Variants in USP24 observed in about 807,000 individuals in gnomAD.
USP24 encodes the protein ubiquitin carboxyl-terminal hydrolase 24.
USP24 carries 97 observed loss-of-function variants against 361.6 expected under a neutral mutation model. The observed-to-expected ratio is 0.27, with a 90% CI of 0.23 to 0.32. The LOEUF (loss-of-function observed/expected upper bound fraction) is 0.32, where lower values mean the gene tolerates loss of function less well. USP24 is among the 10% of genes least tolerant of loss of function. USP24 has a pLI of 1.00. For missense variants in USP24, 2,353 were observed against 3,165.6 expected (o/e 0.74, Z 6.16); for synonymous variants, 1,098 against 1,124.6 (o/e 0.98, Z 0.47).
intron 12 of USP24, 81 bp from the exon 13 acceptor site, chr1:55,154,859 C>G: frequency 9.9e-7 from 1 of 1,006,268 alleles, no homozygotes; most frequent in Non-Finnish European, 1.5e-6. Context: ...CTTACAGAAG[C>G]ACAAGCAAAA....
intron 41 of USP24, 58 bp downstream of exon 41, chr1:55,106,088 A>G: frequency 7.5e-7 from 1 of 1,325,640 alleles, no homozygotes; most frequent in Non-Finnish European, 1.1e-6. Context: ...ATCTTTTGGG[A>G]CTGAAGTTTC....
intron 52 of USP24, among the ~76,000 whole-genome samples, 188 bp from the exon 53 acceptor site, chr1:55,093,104 AG>A (rs2100476378): frequency 6.6e-6 from 1 of 152,324 alleles, no homozygotes; most frequent in African/African-American, 2.4e-5. Flanking sequence ...TTGACATATA[AG>A]ATGTTATAAG....
intron 60 of USP24, 25 bp downstream of exon 60, chr1:55,079,513 T>C (rs755557227): frequency 7.7e-6 from 12 of 1,554,352 alleles, no homozygotes; most frequent in Middle Eastern, 1.7e-4. Context: ...GGGAAAAAAA[T>C]GGCTTTAGAA....
At chr1:55,188,430 A>G (rs1203240777) in intron 1 of USP24, among the ~76,000 whole-genome samples, 2 of 152,114 alleles carry the variant, frequency 1.3e-5, no homozygotes, top group Non-Finnish European at 2.9e-5. Context: ...AATGAGAAAC[A>G]GTATTTGCAA....
Position 55,138,955 on chromosome 1 carries a change from T to C in USP24, c.2806A>G (p.Ile936Val), listed in dbSNP as rs749417711. The C allele has an allele frequency of 8.1e-6, 13 of 1,612,656 alleles. No individual in the cohort carries two copies. The highest frequency in any genetic ancestry group is 1.1e-5 in the South Asian group (1 of 90,880). The change falls in exon 25 of 68, where the codon ATC becomes GTC. Residue 936 changes from isoleucine to valine, a missense_variant. Coordinates refer to ENST00000294383, the MANE Select transcript of USP24 (RefSeq NM_015306.3). ...RLLLLAERYV[I>V]TIEDFYSVPR... is the part of the protein sequence containing the mutation. ...AGGAAGTGGCTTACCTCTATAGTGA[T>C]CACATAGCGCTCTGCCAGAAGCAGC...
intron 1 of USP24, among the ~76,000 whole-genome samples, chr1:55,202,457 T>C (rs1015931400): frequency 6.6e-6 from 1 of 152,068 alleles, no homozygotes; most frequent in Admixed American, 6.6e-5. Context: ...CAAGTTGCAG[T>C]GCAGTGGTGC....
rs768809144 is a variant in USP24 at position 55,124,637 on chromosome 1, T to C, written c.3961-9A>G. ...TCACTTACTTCCATTGTCTAAAGAATGGAACAAGTATTATGAGAAAGAGCA... is the reference window on the plus strand; with the variant it reads ...TCACTTACTTCCATTGTCTAAAGAACGGAACAAGTATTATGAGAAAGAGCA... On this transcript the variant is annotated splice_polypyrimidine_tract_variant and intron_variant, in intron 34 of 67. Transcript: ENST00000294383. 4.3e-6 allele frequency: 7 copies of C among 1,613,486 alleles called. No homozygotes were observed. Among genetic ancestry groups the C allele is most frequent in the Middle Eastern group, 1.6e-4 (1 of 6,080 alleles).
chr1:55,176,218 A>C (rs1649967880), intron 3 of USP24, among the ~76,000 whole-genome samples, 158 bp downstream of exon 3: 1 of 152,202 alleles, frequency 6.6e-6, no homozygotes, highest in South Asian at 2.1e-4. Context: ...CCCCAAATTC[A>C]GAGTTCCGTT....
chr1:55,176,720 C>A (rs1211834824), intron 2 of USP24, among the ~76,000 whole-genome samples: 1 of 152,208 alleles, frequency 6.6e-6, no homozygotes, highest in East Asian at 1.9e-4. Flanking sequence ...ATTGAACTTA[C>A]ATTTCCATGT....
At chr1:55,171,757 A>G (rs1393013213) in intron 4 of USP24, 79 bp from the exon 5 acceptor site, 1 of 1,467,968 alleles carries the variant, frequency 6.8e-7, no homozygotes, top group African/African-American at 1.4e-5. Context: ...GAAGATAAAA[A>G]TATAGCCTTT....
At chr1:55,094,696 TAAAAAAA>T in intron 51 of USP24, among the ~76,000 whole-genome samples, 1 of 108,992 alleles carries the variant, frequency 9.2e-6, no homozygotes, top group South Asian at 3.4e-4. Context: ...CTGCTAACAT[TAAAAAAA>T]AAAAAAAAAA....
At chr1:55,176,106 A>G (rs1051166272) in intron 3 of USP24, among the ~76,000 whole-genome samples, 1 of 152,234 alleles carries the variant, frequency 6.6e-6, no homozygotes, top group African/African-American at 2.4e-5. Flanking sequence ...GTCTTAATCT[A>G]TTCTTTAGCA....
chr1:55,154,174 A>G lies in USP24; in HGVS notation c.1757T>C (p.Val586Ala). 6.2e-7 allele frequency: 1 copy of G among 1,613,632 alleles called. No individual in the cohort carries two copies. Among genetic ancestry groups the G allele is most frequent in the Non-Finnish European group, 8.5e-7 (1 of 1,179,708 alleles). ...HLTILSDAYA[V>A]KEAIKRSYII... ...GTAGCTCCTCTTGATTGCTTCTTTC[A>G]CTGCATATGCATCACTAAGGATTGT... Residue 586 changes from valine (V) to alanine (A), a missense_variant, in exon 15 of 68, where the codon GTG (valine) becomes GCG (alanine). Physicochemically the swap from Val to Ala is moderately conservative, Grantham distance 64 (BLOSUM62 0). Coordinates refer to ENST00000294383, the MANE Select transcript of USP24 (RefSeq NM_015306.3).
intron 1 of USP24, among the ~76,000 whole-genome samples, chr1:55,183,849 TAGAC>T (rs914597832): frequency 1.3e-5 from 2 of 152,174 alleles, no homozygotes; most frequent in South Asian, 2.1e-4. Flanking sequence ...ATGGCTATAT[TAGAC>T]AGAACAGACG....
At chr1:55,101,467 A>C (rs536745024) in intron 43 of USP24, 117 bp downstream of exon 43, 3 of 1,390,660 alleles carry the variant, frequency 2.2e-6, no homozygotes, top group East Asian at 2.5e-5. Flanking sequence ...GCTACTAAAG[A>C]ATTGCAAGTT....
At chr1:55,174,765 A>C (rs1269880138) in intron 3 of USP24, among the ~76,000 whole-genome samples, 2 of 152,230 alleles carry the variant, frequency 1.3e-5, no homozygotes, top group Non-Finnish European at 2.9e-5. Flanking sequence ...ACAGTATGTT[A>C]CAATATAACA....
At chr1:55,085,897 G>T in intron 56 of USP24, 45 bp downstream of exon 56, 2 of 1,563,540 alleles carry the variant, frequency 1.3e-6, no homozygotes, top group South Asian at 1.1e-5. Flanking sequence ...TAAAACATTT[G>T]GTAAAAACAC....
Position 55,095,240 on chromosome 1 carries a change from G to C in USP24, c.6203+15C>G, listed in dbSNP as rs376227383. On this transcript the variant is annotated intron_variant, in intron 51 of 67. Coordinates refer to ENST00000294383, the MANE Select transcript of USP24 (RefSeq NM_015306.3). ...ATAGAAATCACACAGCAAATTACAT[G>C]GAAGAGACACTTACAGAGAGAGATC... 3.7e-6 allele frequency: 6 copies of C among 1,611,826 alleles called. No homozygotes were observed. The highest frequency in any genetic ancestry group is 2.7e-5 in the African/African-American group (2 of 74,858).
intron 1 of USP24, among the ~76,000 whole-genome samples, chr1:55,195,843 A>G (rs1302588793): frequency 6.6e-6 from 1 of 152,198 alleles, no homozygotes; most frequent in East Asian, 1.9e-4. Context: ...TCAGATTTGC[A>G]AGATGAAAAA....
Sources: allele counts gnomAD v4.1 joint callset (sites outside exome capture counted in the v4.1 genomes callset), GRCh38; gene constraint gnomAD v4.1.1; transcripts MANE v1.5; gene names NCBI Gene and HGNC (gene_info 2026-07-23, HGNC 2026-07-21).